UNC45B: variants seen among roughly 807,000 people sequenced by gnomAD.
UNC45B encodes protein unc-45 homolog B.
Under a neutral mutation model 98.7 loss-of-function variants are expected in UNC45B, and 78 were observed. The observed-to-expected ratio is 0.79, with a 90% CI of 0.66 to 0.95. The LOEUF (loss-of-function observed/expected upper bound fraction) is 0.95. Ranked by LOEUF, UNC45B falls within the 40% of genes least tolerant of loss-of-function variation. The probability of loss-of-function intolerance (pLI) is 0.00; values close to 1 mark genes in which losing one functional copy is unlikely to be tolerated. For missense variants in UNC45B, 1,225 were observed against 1,184.9 expected (o/e 1.03, Z -0.50); for synonymous variants, 462 against 480.4 (o/e 0.96, Z 0.50).
rs1404201538 is a variant in UNC45B, at chr17:35,175,930, G to A, written c.1959-38G>A. On this transcript the variant is annotated intron_variant, in intron 14 of 19. Coordinates refer to ENST00000394570, the MANE Select transcript of UNC45B (RefSeq NM_001267052.2). ...CTGCTGCTGCCTGGGAAGGTGTGCT[G>A]GTGTATTAACTGTTCTCCTTTCTTC... 6 of 1,597,898 alleles carry A rather than the reference G, an allele frequency of 3.8e-6. No individual in the cohort carries two copies. The South Asian group carries it at 5.5e-5, about 15-fold the overall frequency.
intron 18 of UNC45B, among the ~76,000 whole-genome samples, chr17:35,181,798 A>C (rs2142603199): frequency 6.6e-6 from 1 of 151,780 alleles, no homozygotes; most frequent in East Asian, 1.9e-4. Flanking sequence ...CTCAAAAAAA[A>C]AAAAAAAAAA....
At chr17:35,170,548 A>G (rs2142569373) in intron 12 of UNC45B, among the ~76,000 whole-genome samples, 1 of 151,666 alleles carries the variant, frequency 6.6e-6, no homozygotes, top group Non-Finnish European at 1.5e-5. Context: ...AAAAAAAAAA[A>G]AAAAAAGCAG....
chr17:35,148,937 A>G (rs761066983), intron 2 of UNC45B, 36 bp from the exon 3 acceptor site: 1 of 1,613,772 alleles, frequency 6.2e-7, no homozygotes, highest in Non-Finnish European at 8.5e-7. Flanking sequence ...TTGGGCCCAC[A>G]TTAACCGAGT....
rs2092268275 is a variant in UNC45B at position 35,180,735 on chromosome 17, G to C, written c.2373+59G>C. The C allele has an allele frequency of 2.9e-6, 4 of 1,371,768 alleles. No homozygotes were observed. In the African/African-American group the frequency reaches 5.7e-5, roughly 20 times the overall value. The allele number at this position is 1,371,768 out of a possible 1,614,324, so 85.0% of individuals were successfully genotyped here. A position where few individuals can be genotyped will look rare whatever the true frequency, so the allele number is the denominator to read the frequency against. The stretch of plus-strand genomic sequence containing the variant: ...TGATCAAGGCACGAGAGGCAGGCCA[G>C]GGTCAGGGCCTGGGGTGAGATCGGG... On this transcript the variant is annotated intron_variant, in intron 18 of 19. Coordinates refer to ENST00000394570, the MANE Select transcript of UNC45B (RefSeq NM_001267052.2).
At position 35,188,465 on chromosome 17, in the gene UNC45B, G is replaced by T. The variant is rs2092316041; in HGVS notation, c.*1906G>T. On this transcript the variant is annotated 3_prime_UTR_variant, in exon 20 of 20. Transcript: ENST00000394570. ...AAGTTCATCTTGTTTGGATTGGAGA[G>T]ACTTTTTTTTTTTTTTTTTTTGAGA... 8.3e-6 allele frequency: 1 copy of T among 121,054 alleles called. No individual in the cohort carries two copies. The allele number at this position is 121,054 out of a possible 1,614,324, so 7.5% of individuals were successfully genotyped here.
In UNC45B at chr17:35,188,446, A is replaced by G. The variant is rs974853185; in HGVS notation, c.*1887A>G. ...GTTCAGGGCCAGTTAGATAAAGTTC[A>G]TCTTGTTTGGATTGGAGAGACTTTT... is the stretch of plus-strand genomic sequence containing the variant. On this transcript the variant is annotated 3_prime_UTR_variant, in exon 20 of 20. Coordinates refer to ENST00000394570, the MANE Select transcript of UNC45B (RefSeq NM_001267052.2). The G allele has an allele frequency of 1.8e-4, 26 of 147,018 alleles. No individual in the cohort carries two copies. The highest frequency in any genetic ancestry group is 6.5e-4 in the African/African-American group (26 of 39,816). The allele number at this position is 147,018 out of a possible 1,614,324, so 9.1% of individuals were successfully genotyped here.
chr17:35,181,472 T>C (rs2142601797), intron 18 of UNC45B, among the ~76,000 whole-genome samples: 1 of 152,248 alleles, frequency 6.6e-6, no homozygotes, highest in East Asian at 1.9e-4. Context: ...CTTCTCACTG[T>C]TATAGGGGAA....
chr17:35,174,157 T>C, intron 13 of UNC45B, 85 bp from the exon 14 acceptor site: 1 of 1,572,564 alleles, frequency 6.4e-7, no homozygotes, highest in Non-Finnish European at 8.7e-7. Flanking sequence ...ACCCCAAGAA[T>C]TCAGAAATGC....
chr17:35,164,177 T>G lies in UNC45B; in HGVS notation c.1151+11T>G. On this transcript the variant is annotated intron_variant, in intron 9 of 19. Coordinates refer to ENST00000394570, the MANE Select transcript of UNC45B (RefSeq NM_001267052.2). ...TGAGGAATATATCACGTAAGTTTCC[T>G]GGAGGCCTCACAGGGTCAGGCTCTG... is the stretch of plus-strand genomic sequence containing the variant. The G allele has an allele frequency of 6.2e-7, 1 of 1,602,908 alleles. No individual in the cohort carries two copies. The highest frequency in any genetic ancestry group is 8.5e-7 in the Non-Finnish European group (1 of 1,173,988).
rs2092169922 is a variant in UNC45B at position 35,169,848 on chromosome 17, G to T, written c.1464G>T (p.Lys488Asn). ...IKIRTLVGLC[K>N]LGSAGGTDYG... Reference sequence around the variant, plus strand: ...CCTCTCCTCCTCAGGGACTCTGTAAGCTCGGCTCTGCAGGTGGCACAGACT... The same window carrying T: ...CCTCTCCTCCTCAGGGACTCTGTAATCTCGGCTCTGCAGGTGGCACAGACT... Residue 488 changes from lysine to asparagine, a missense_variant, in exon 11 of 20, where the codon AAG becomes AAT. Transcript: ENST00000394570. 1.2e-6 allele frequency: 2 copies of T among 1,614,140 alleles called. No individual in the cohort carries two copies. Among genetic ancestry groups the T allele is most frequent in the Non-Finnish European group, 1.7e-6 (2 of 1,180,030 alleles).
chr17:35,152,861 G>A (rs1205152187), intron 4 of UNC45B, 32 bp from the exon 5 acceptor site: 17 of 1,570,712 alleles, frequency 1.1e-5, no homozygotes, highest in Non-Finnish European at 1.5e-5. Flanking sequence ...GACCCCACCT[G>A]CCTCCTTCCC....
At chr17:35,180,831 A>AT (rs2092269076) in intron 18 of UNC45B, among the ~76,000 whole-genome samples, 155 bp downstream of exon 18, 1 of 152,162 alleles carries the variant, frequency 6.6e-6, no homozygotes, top group Non-Finnish European at 1.5e-5. Flanking sequence ...TTCCTAGATT[A>AT]TAGCCCCCCT....
Position 35,180,643 on chromosome 17 carries a change from C to T in UNC45B, c.2340C>T (p.Thr780=), listed in dbSNP as rs755281051. Residue 780 remains threonine, a synonymous_variant, in exon 18 of 20, where the codon ACC becomes ACT. Transcript: ENST00000394570. ...ENHDQLRQAA[T]ECMCNMVLHK... is the part of the protein sequence containing the mutation. ...ATGATCAGCTGCGGCAGGCGGCCAC[C>T]GAGTGCATGTGCAACATGGTGCTCC... 208 of 1,613,792 alleles carry T rather than the reference C, an allele frequency of 1.3e-4. No individual in the cohort carries two copies. Among genetic ancestry groups the T allele is most frequent in the Non-Finnish European group, 1.6e-4 (187 of 1,179,952 alleles).
At position 35,150,115 on chromosome 17, in the gene UNC45B, G is replaced by T; in HGVS notation, c.273G>T (p.Gly91=). The stretch of plus-strand genomic sequence containing the variant: ...GATGCCAGGCACTGGAGCACCTGGG[G>T]AAGCTGGACCAGGCCTTCAAAGACG... The part of the protein sequence containing the change: ...YRRCQALEHL[G]KLDQAFKDVQ... The change falls in exon 4 of 20, where the codon GGG becomes GGT. Residue 91 remains glycine (G), a synonymous_variant. Transcript: ENST00000394570. 6.2e-7 allele frequency: 1 copy of T among 1,613,722 alleles called. No individual in the cohort carries two copies.
chr17:35,151,904 G>A (rs2142530486), intron 4 of UNC45B, among the ~76,000 whole-genome samples: 1 of 152,158 alleles, frequency 6.6e-6, no homozygotes, highest in South Asian at 2.1e-4. Context: ...TTGGAGACCA[G>A]CCTGGGCAAC....
intron 10 of UNC45B, among the ~76,000 whole-genome samples, chr17:35,169,085 G>T (rs889201671): frequency 6.6e-6 from 1 of 151,964 alleles, no homozygotes; most frequent in Non-Finnish European, 1.5e-5. Flanking sequence ...CATGATATTG[G>T]CTCACTGCAA....
intron 17 of UNC45B, among the ~76,000 whole-genome samples, chr17:35,180,036 G>A (rs967401882): frequency 1.6e-4 from 25 of 152,114 alleles, no homozygotes; most frequent in African/African-American, 5.8e-4. Context: ...ATAGGCCTAA[G>A]CATAAAGGAA....
intron 10 of UNC45B, 77 bp downstream of exon 10, chr17:35,168,438 T>A: frequency 8.0e-7 from 1 of 1,242,780 alleles, no homozygotes; most frequent in Admixed American, 3.2e-5. Flanking sequence ...AATGAATGAG[T>A]TGAGGCTGCT....
chr17:35,152,465 C>T (rs1342202830), intron 4 of UNC45B, among the ~76,000 whole-genome samples: 1 of 152,134 alleles, frequency 6.6e-6, no homozygotes, highest in Non-Finnish European at 1.5e-5. Flanking sequence ...TGAAACAGAG[C>T]TTGAAAGCTG....
Sources: gnomAD v4.1 joint callset for allele counts (sites outside exome capture counted in the v4.1 genomes callset) on GRCh38, gnomAD v4.1.1 for gene constraint, MANE v1.5 for transcripts, NCBI Gene and HGNC (gene_info 2026-07-23, HGNC 2026-07-21) for gene names.